Variants in TENM2 observed in about 807,000 individuals in gnomAD.
TENM2 encodes the protein teneurin-2.
In TENM2, 52 loss-of-function variants were observed where a neutral mutation model predicts 245.2. The observed-to-expected ratio is 0.21, with a 90% CI of 0.17 to 0.27. TENM2 has a LOEUF of 0.27. TENM2 is among the 10% of genes least tolerant of loss of function. The pLI is 1.00. For synonymous variants in TENM2, 1,363 were observed against 1,438.9 expected, an observed-to-expected ratio of 0.95 and a Z score of 1.19; for missense variants, 3,046 against 3,666.8, an observed-to-expected ratio of 0.83 and a Z score of 4.37.
At chr5:167,708,499 C>A (rs1314528004) in intron 2 of TENM2, among the ~76,000 whole-genome samples, 1 of 152,106 alleles carries the variant, frequency 6.6e-6, no homozygotes. Context: ...TGAGTTCTAG[C>A]CAATGAGATA....
chr5:168,165,476 T>C (rs1758139595), intron 13 of TENM2, among the ~76,000 whole-genome samples: 1 of 152,100 alleles, frequency 6.6e-6, no homozygotes, highest in African/African-American at 2.4e-5. Flanking sequence ...TCTGGGGGAC[T>C]GTCTCCCCAG....
chr5:167,651,784 A>C (rs1754486089), intron 2 of TENM2, among the ~76,000 whole-genome samples: 1 of 152,174 alleles, frequency 6.6e-6, no homozygotes, highest in Admixed American at 6.6e-5. Context: ...TATAGGTCAA[A>C]GAGGTTCTTT....
At chr5:167,186,618 G>T in the TENM2 span, among the ~76,000 whole-genome samples, 2,546 of 152,328 alleles carry the variant, frequency 0.017, 38 homozygotes, top group Non-Finnish European at 0.024. Context: ...TTCTCTGCCA[G>T]TCACCGTAAA....
chr5:167,856,176 A>C (rs1771082595), intron 2 of TENM2, among the ~76,000 whole-genome samples: 1 of 152,108 alleles, frequency 6.6e-6, no homozygotes, highest in Admixed American at 6.6e-5. Flanking sequence ...TCATAGGAGA[A>C]ATAAGTGGGA....
chr5:167,446,828 G>C (rs372882838), intron 2 of TENM2, among the ~76,000 whole-genome samples: 36 of 105,784 alleles, frequency 3.4e-4, no homozygotes, highest in African/African-American at 5.0e-4. Flanking sequence ...CACACACACA[G>C]ACATACATAC....
chr5:167,051,374 A>C, the TENM2 span, among the ~76,000 whole-genome samples: 23 of 152,016 alleles, frequency 1.5e-4, no homozygotes, highest in Admixed American at 2.6e-4. Flanking sequence ...CAATTTTTTT[A>C]AGGTGTGATT....
chr5:167,674,876 C>T (rs182384036), intron 2 of TENM2, among the ~76,000 whole-genome samples: 101 of 152,216 alleles, frequency 6.6e-4, no homozygotes, highest in African/African-American at 2.4e-3. Flanking sequence ...TAAATGTCTT[C>T]TAGCAAATCA....
At chr5:167,294,615 C>A (rs964986806) in intron 1 of TENM2, among the ~76,000 whole-genome samples, 3 of 152,126 alleles carry the variant, frequency 2.0e-5, no homozygotes, top group African/African-American at 7.2e-5. Flanking sequence ...GAGTTGACCT[C>A]CTTTATGTCC....
At chr5:167,898,894 C>T (rs1035566981) in intron 3 of TENM2, among the ~76,000 whole-genome samples, 2 of 151,880 alleles carry the variant, frequency 1.3e-5, no homozygotes, top group Admixed American at 6.6e-5. Flanking sequence ...TTCGTTTGAG[C>T]GGGGGATGGG....
chr5:167,832,604 G>A (rs1330700603), intron 2 of TENM2, among the ~76,000 whole-genome samples: 2 of 152,130 alleles, frequency 1.3e-5, no homozygotes, highest in African/African-American at 4.8e-5. Flanking sequence ...TGGAGGCAGG[G>A]ATGGATGGAT....
the TENM2 span, among the ~76,000 whole-genome samples, chr5:167,071,719 G>A: frequency 2.0e-5 from 3 of 152,182 alleles, no homozygotes; most frequent in South Asian, 2.1e-4. Flanking sequence ...ACTGAATTTT[G>A]TATGGTAGGC....
At chr5:168,033,589 G>T (rs1028101334) in intron 5 of TENM2, among the ~76,000 whole-genome samples, 1 of 152,164 alleles carries the variant, frequency 6.6e-6, no homozygotes. Flanking sequence ...TTAGACAGAA[G>T]TTTTCAAGCC....
intron 1 of TENM2, among the ~76,000 whole-genome samples, chr5:167,293,207 T>C (rs1280445984): frequency 6.6e-6 from 1 of 152,070 alleles, no homozygotes; most frequent in Admixed American, 6.6e-5. Flanking sequence ...TTTTTGTTTG[T>C]TTGTTTGTTT....
At chr5:167,706,946 C>T (rs901075471) in intron 2 of TENM2, among the ~76,000 whole-genome samples, 2 of 133,996 alleles carry the variant, frequency 1.5e-5, no homozygotes, top group Admixed American at 1.7e-4. Context: ...ACCCGGGAGG[C>T]GGAGCTTGCA....
Position 167,620,549 on chromosome 5 carries a change from C to CTTTTTTTTTTTTTTTTTTTTTTTTTTTTT in TENM2, c.502+245098_502+245099insTTTTTTTTTTTTTTTTTTTTTTTTTTTTT, listed in dbSNP as rs11455974. 1.8e-4 allele frequency among the ~76,000 whole-genome samples: 13 copies of CTTTTTTTTTTTTTTTTTTTTTTTTTTTTT among 73,330 alleles called. 1 individual carries two copies. The highest frequency in any genetic ancestry group is 4.8e-4 in the East Asian group (1 of 2,080). The allele number at this position is 73,330 out of a possible 152,430, so 48.1% of individuals were successfully genotyped here. The stretch of plus-strand genomic sequence containing the variant: ...TGTTGGCTAAAACTTTGCTTTTTGG[C>CTTTTTTTTTTTTTTTTTTTTTTTTTTTTT]TTTTTTTTTTTTTTTTTTTTTTCAA... On this transcript the variant is annotated intron_variant, in intron 2 of 28. Coordinates refer to ENST00000518659, the Ensembl canonical transcript of TENM2.
intron 1 of TENM2, among the ~76,000 whole-genome samples, chr5:167,312,921 T>TC (rs3067273): frequency 8.1e-4 from 118 of 146,554 alleles, no homozygotes; most frequent in Non-Finnish European, 8.7e-4. Context: ...TTTTTTTTTT[T>TC]AAATGGAGCC....
At chr5:167,903,544 G>C (rs1775875049) in intron 3 of TENM2, among the ~76,000 whole-genome samples, 1 of 141,866 alleles carries the variant, frequency 7.0e-6, no homozygotes. Flanking sequence ...GGGGTGGAGG[G>C]TGGAAGGGCT....
intron 5 of TENM2, among the ~76,000 whole-genome samples, chr5:168,030,390 C>A (rs1375906612): frequency 6.6e-6 from 1 of 151,888 alleles, no homozygotes; most frequent in Admixed American, 6.6e-5. Context: ...TTGCTGTCAG[C>A]CAAGCCTTGT....
At chr5:167,381,760 A>G (rs1761109130) in intron 2 of TENM2, among the ~76,000 whole-genome samples, 1 of 152,132 alleles carries the variant, frequency 6.6e-6, no homozygotes, top group Non-Finnish European at 1.5e-5. Context: ...TGGAAATCAG[A>G]TATAAAAATT....
Sources: gnomAD v4.1 joint callset for allele counts (sites outside exome capture counted in the v4.1 genomes callset) on GRCh38, gnomAD v4.1.1 for gene constraint, MANE v1.5 for transcripts, NCBI Gene and HGNC (gene_info 2026-07-23, HGNC 2026-07-21) for gene names.